The following ZFYVE26 variants were observed in gnomAD, a reference collection of about 807,000 sequenced individuals.
The protein encoded by ZFYVE26 is zinc finger FYVE-type containing 26.
A neutral mutation model predicts 276.5 loss-of-function variants in ZFYVE26; 181 were observed. The ratio of observed to expected loss-of-function variants is 0.65; its 90% CI spans 0.58 to 0.74. ZFYVE26 has a LOEUF of 0.74. Among genes scored for constraint, ZFYVE26 ranks in the 30% least tolerant of loss-of-function variants. ZFYVE26 has a pLI of 0.00. For missense variants in ZFYVE26, 2,821 were observed against 3,097.9 expected (o/e 0.91, Z 2.12); for synonymous variants, 1,129 against 1,203.1 (o/e 0.94, Z 1.27).
intron 3 of ZFYVE26, among the ~76,000 whole-genome samples, 182 bp downstream of exon 3, chr14:67,813,804 T>C (rs1441262949): frequency 6.6e-6 from 1 of 152,226 alleles, no homozygotes; most frequent in African/African-American, 2.4e-5. Context: ...CCAATGTATA[T>C]TAGTGCATTA....
chr14:67,794,118 T>C lies in ZFYVE26; in HGVS notation c.2401+53A>G, dbSNP rs2039892492. 6 of 1,579,804 alleles carry C rather than the reference T, an allele frequency of 3.8e-6. No homozygotes were observed. In the South Asian group the frequency reaches 6.6e-5, roughly 17 times the overall value. ...GCTTTACACCATGGTGTATGGCAAC[T>C]CTATATCAGGGCAAAGCTGCTCAAA... On this transcript the variant is annotated intron_variant, in intron 13 of 41. Transcript: ENST00000347230.
Position 67,806,598 on chromosome 14 carries a change from C to G in ZFYVE26, c.964G>C (p.Val322Leu), listed in dbSNP as rs1043502393. Residue 322 changes from valine (V) to leucine (L), a missense_variant, in exon 6 of 42, where the codon GTG (valine) becomes CTG (leucine). Transcript: ENST00000347230. ...SNPNPAEAWK[V>L]AYFYCLSNNK... ...TTGCTCAGGCAGTAGAAATAGGCCA[C>G]TTTCCAAGCCTCGGCTGGGTTGGGA... The G allele has an allele frequency of 5.6e-6, 9 of 1,614,124 alleles. No homozygotes were observed. The African/African-American group carries it at 9.3e-5, about 17-fold the overall frequency.
At chr14:67,762,445 T>C (rs372077854) in intron 33 of ZFYVE26, 33 bp from the exon 34 acceptor site, 42 of 1,598,632 alleles carry the variant, frequency 2.6e-5, no homozygotes, top group Non-Finnish European at 3.3e-5. Context: ...TAGTGAGTGG[T>C]AGCTACATTC....
intron 10 of ZFYVE26, chr14:67,799,431 C>T (rs2040033999): frequency 3.1e-6 from 5 of 1,612,456 alleles, no homozygotes; most frequent in Middle Eastern, 3.8e-4. Context: ...GAAGCAGAAA[C>T]GAGCAGAAAG....
chr14:67,801,433 A>G (rs888374438), intron 10 of ZFYVE26, among the ~76,000 whole-genome samples: 6 of 152,214 alleles, frequency 3.9e-5, no homozygotes, highest in African/African-American at 1.4e-4. Context: ...ACTAAAGATG[A>G]TCACGCCTAC....
chr14:67,771,988 G>A, intron 28 of ZFYVE26, 59 bp downstream of exon 28: 1 of 1,586,884 alleles, frequency 6.3e-7, no homozygotes, highest in Non-Finnish European at 8.6e-7. Flanking sequence ...TCAGGCTCAT[G>A]AACTAGAATT....
chr14:67,750,481 T>A lies in ZFYVE26; in HGVS notation c.7416+571A>T, dbSNP rs60247429. On this transcript the variant is annotated intron_variant, in intron 41 of 41. Transcript: ENST00000347230. ...CAGTGGTCAGCCACAAATGGGGGCATCTGGGAAGATTTTTATTCTGACTGG... is the reference window on the plus strand; with the variant it reads ...CAGTGGTCAGCCACAAATGGGGGCAACTGGGAAGATTTTTATTCTGACTGG... 3.0e-3 allele frequency: 501 copies of A among 167,932 alleles called. 4 individuals carry two copies. The highest frequency in any genetic ancestry group is 0.01 in the African/African-American group (438 of 41,726). The allele number at this position is 167,932 out of a possible 1,614,324, so 10.4% of individuals were successfully genotyped here. A position where few individuals can be genotyped will look rare whatever the true frequency, so the allele number is the denominator to read the frequency against.
chr14:67,799,023 A>T, intron 10 of ZFYVE26: 2 of 1,166,736 alleles, frequency 1.7e-6, no homozygotes, highest in South Asian at 1.2e-5. Flanking sequence ...GGAAAAGTCT[A>T]TTCCGTTCCC....
At chr14:67,790,305 G>T (rs898590338) in intron 15 of ZFYVE26, among the ~76,000 whole-genome samples, 2 of 152,230 alleles carry the variant, frequency 1.3e-5, no homozygotes, top group Admixed American at 6.5e-5. Flanking sequence ...CAAAACACAG[G>T]TTAAAAACAG....
intron 13 of ZFYVE26, among the ~76,000 whole-genome samples, chr14:67,740,360 TTA>T (rs1357256934): frequency 6.7e-6 from 1 of 148,662 alleles, no homozygotes; most frequent in African/African-American, 2.4e-5. Context: ...AAAAAATGTT[TTA>T]GATTATTTTT....
chr14:67,786,850 T>C (rs571707387), intron 16 of ZFYVE26, among the ~76,000 whole-genome samples: 4 of 152,344 alleles, frequency 2.6e-5, no homozygotes, highest in Admixed American at 2.0e-4. Context: ...TGGAGTACTA[T>C]ACAGTTATGG....
Position 67,755,232 on chromosome 14 carries a change from T to C in ZFYVE26, c.6805A>G (p.Met2269Val), listed in dbSNP as rs757987879. 4 of 1,614,234 alleles carry C rather than the reference T, an allele frequency of 2.5e-6. No homozygotes were observed. Among genetic ancestry groups the C allele is most frequent in the Admixed American group, 3.3e-5 (2 of 60,028 alleles). ...QFMKDQVRAA[M>V]TCIRFFSHKA... ...TGACTGAAGAACCGAATACAGGTCATGGCGGCCCGAACTTGGTCCTAGAAG... is the reference window on the plus strand; with the variant it reads ...TGACTGAAGAACCGAATACAGGTCACGGCGGCCCGAACTTGGTCCTAGAAG... Residue 2269 changes from methionine (M) to valine (V), a missense_variant, in exon 37 of 42, where the codon ATG (methionine) becomes GTG (valine). Coordinates refer to ENST00000347230, the MANE Select transcript of ZFYVE26 (RefSeq NM_015346.4).
intron 4 of ZFYVE26, 74 bp downstream of exon 4, chr14:67,809,126 T>C: frequency 1.5e-6 from 2 of 1,305,710 alleles, no homozygotes; most frequent in Non-Finnish European, 2.2e-6. Context: ...GACCTCTCTC[T>C]TCTGGGTCCA....
At chr14:67,782,256 G>C (rs1472343092) in intron 21 of ZFYVE26, among the ~76,000 whole-genome samples, 2 of 152,188 alleles carry the variant, frequency 1.3e-5, no homozygotes, top group African/African-American at 4.8e-5. Flanking sequence ...AGCTTTCAAA[G>C]CAGTGGTCAT....
Position 67,766,378 on chromosome 14 carries a change from G to A in ZFYVE26, c.5860C>T (p.Leu1954=), listed in dbSNP as rs1273950788. Residue 1954 remains leucine (L), a synonymous_variant, in exon 32 of 42, where the codon CTG becomes TTG. Coordinates refer to ENST00000347230, the MANE Select transcript of ZFYVE26 (RefSeq NM_015346.4). ...GAGAGCCTGCAGCAGTGCTCAATCA[G>A]CTGGTGACCACAGGCAATGCTGTCC... The part of the protein sequence containing the change: ...HRDSIACGHQ[L]IEHCCRLSKG... The A allele has an allele frequency of 1.2e-6, 2 of 1,612,734 alleles. No individual in the cohort carries two copies. Among genetic ancestry groups the A allele is most frequent in the Non-Finnish European group, 1.7e-6 (2 of 1,180,040 alleles).
At position 67,775,104 on chromosome 14, in the gene ZFYVE26, A is replaced by T; in HGVS notation, c.5232T>A (p.Ile1744=). The T allele has an allele frequency of 6.2e-7, 1 of 1,608,584 alleles. No homozygotes were observed. The highest frequency in any genetic ancestry group is 8.5e-7 in the Non-Finnish European group (1 of 1,177,348). ...CCTGGTGGACAATTTCTTGGAGGTG[A>T]ATCACAGAATCTGTAGAGAGGGAAA... ...PQREKRSDSV[I]HLQEIVHQAA... The change falls in exon 27 of 42, where the codon ATT becomes ATA. Residue 1744 remains isoleucine (I), a synonymous_variant. Transcript: ENST00000347230.
chr14:67,775,632 GTTA>G (rs900164273), intron 26 of ZFYVE26, among the ~76,000 whole-genome samples: 1 of 152,136 alleles, frequency 6.6e-6, no homozygotes, highest in African/African-American at 2.4e-5. Flanking sequence ...AAACCTTTAT[GTTA>G]TTATGTGCAT....
chr14:67,784,341 G>C lies in ZFYVE26; in HGVS notation c.3619C>G (p.Pro1207Ala). The change falls in exon 20 of 42, where the codon CCA becomes GCA. Residue 1207 changes from proline (P) to alanine (A), a missense_variant. Transcript: ENST00000347230. ...CATGGAGGTGGCTCCTACCTCTCTG[G>C]GGGAACTTGTCTCTCAAACAGGAGA... ...SHLLFERQVP[P>A]ERLAALLAQE... 6.2e-7 allele frequency: 1 copy of C among 1,613,974 alleles called. No homozygotes were observed.
rs1306037276 is a variant in ZFYVE26 at position 67,766,409 on chromosome 14, C to A, written c.5829G>T (p.Leu1943=). 8.1e-6 allele frequency: 13 copies of A among 1,612,302 alleles called. No individual in the cohort carries two copies. Among genetic ancestry groups the A allele is most frequent in the Non-Finnish European group, 1.1e-5 (13 of 1,180,012 alleles). Residue 1943 remains leucine, a synonymous_variant, in exon 32 of 42, where the codon CTG becomes CTT. Coordinates refer to ENST00000347230, the MANE Select transcript of ZFYVE26 (RefSeq NM_015346.4). ...SASLCIAILN[L]HRDSIACGHQ... is the part of the protein sequence containing the mutation. ...GACCACAGGCAATGCTGTCCCGGTG[C>A]AGATTCAGGATGGCAATGCACAAGG...
Sources: gnomAD v4.1 joint callset for allele counts (sites outside exome capture counted in the v4.1 genomes callset) on GRCh38, gnomAD v4.1.1 for gene constraint, MANE v1.5 for transcripts, NCBI Gene and HGNC (gene_info 2026-07-23, HGNC 2026-07-21) for gene names.